PIP4K2A: variants seen among roughly 807,000 people sequenced by gnomAD.
PIP4K2A encodes the protein phosphatidylinositol 5-phosphate 4-kinase type-2 alpha.
In PIP4K2A, 14 loss-of-function variants were observed where a neutral mutation model predicts 42.9. That is an observed-to-expected ratio of 0.33 (90% CI 0.22 to 0.51). The LOEUF is 0.51. PIP4K2A is among the 20% of genes least tolerant of loss of function. The pLI, the probability that PIP4K2A is intolerant of heterozygous loss-of-function variation, is 0.97. For missense variants in PIP4K2A, 434 were observed against 519.8 expected (o/e 0.83, Z 1.61); for synonymous variants, 192 against 192.2 (o/e 1.00, Z 0.01).
At chr10:22,676,689 A>C (rs923193266) in intron 1 of PIP4K2A, among the ~76,000 whole-genome samples, 1 of 152,180 alleles carries the variant, frequency 6.6e-6, no homozygotes, top group South Asian at 2.1e-4. Flanking sequence ...AGTAAAAGGT[A>C]CATCTGCTTA....
chr10:22,594,186 T>G (rs377075003), intron 3 of PIP4K2A, among the ~76,000 whole-genome samples: 1 of 152,190 alleles, frequency 6.6e-6, no homozygotes, highest in Non-Finnish European at 1.5e-5. Flanking sequence ...TGTGTTTTAC[T>G]GGCATGCAGC....
intron 1 of PIP4K2A, among the ~76,000 whole-genome samples, chr10:22,650,832 C>T (rs1838978560): frequency 8.9e-6 from 1 of 112,414 alleles, no homozygotes; most frequent in Admixed American, 7.4e-5. Context: ...TGGAAATCTA[C>T]TGGGTTTTTT....
At chr10:22,616,958 C>A (rs1339797544) in intron 1 of PIP4K2A, among the ~76,000 whole-genome samples, 1 of 152,206 alleles carries the variant, frequency 6.6e-6, no homozygotes, top group Non-Finnish European at 1.5e-5. Context: ...TACTTCTAAG[C>A]CAATTATTTA....
chr10:22,586,099 C>T (rs1336528144), intron 4 of PIP4K2A, among the ~76,000 whole-genome samples: 2 of 152,148 alleles, frequency 1.3e-5, no homozygotes, highest in African/African-American at 2.4e-5. Flanking sequence ...TTTATAGGAT[C>T]CGAGTTTCTT....
At chr10:22,691,545 C>G (rs543666513) in intron 1 of PIP4K2A, 1 of 152,276 alleles carries the variant, frequency 6.6e-6, no homozygotes, top group Admixed American at 6.5e-5. Context: ...ATCATAAAAT[C>G]TAAGTCCTCA....
Position 22,536,203 on chromosome 10 carries a change from T to C in PIP4K2A, c.*998A>G, listed in dbSNP as rs1835913357. On this transcript the variant is annotated 3_prime_UTR_variant, in exon 10 of 10. Transcript: ENST00000376573. ...AACATCTTATAATTCAGATCTGCAT[T>C]TGGTAACAGGAGAATTGAGAGTTTT... The C allele has an allele frequency of 5.0e-6, 2 of 398,228 alleles. No homozygotes were observed. Among genetic ancestry groups the C allele is most frequent in the African/African-American group, 2.1e-5 (1 of 48,624 alleles). The allele number at this position is 398,228 out of a possible 1,614,324, so 24.7% of individuals were successfully genotyped here. A position where few individuals can be genotyped will look rare whatever the true frequency, so the allele number is the denominator to read the frequency against.
At chr10:22,709,592 C>T (rs1182884859) in intron 1 of PIP4K2A, among the ~76,000 whole-genome samples, 1 of 152,156 alleles carries the variant, frequency 6.6e-6, no homozygotes, top group Non-Finnish European at 1.5e-5. Context: ...AAAGACACAG[C>T]AGATCAGGAT....
chr10:22,545,328 C>T (rs1484221358), intron 7 of PIP4K2A, among the ~76,000 whole-genome samples: 1 of 152,246 alleles, frequency 6.6e-6, no homozygotes, highest in Non-Finnish European at 1.5e-5. Flanking sequence ...GGAAGGTCTA[C>T]TGGTTGACCT....
chr10:22,685,679 C>T (rs1173238196), intron 1 of PIP4K2A, among the ~76,000 whole-genome samples: 1 of 152,122 alleles, frequency 6.6e-6, no homozygotes, highest in East Asian at 1.9e-4. Flanking sequence ...TATGATCCCA[C>T]CACTGCATTC....
chr10:22,613,732 G>A (rs751708101), intron 1 of PIP4K2A, among the ~76,000 whole-genome samples: 3 of 152,200 alleles, frequency 2.0e-5, no homozygotes, highest in Non-Finnish European at 2.9e-5. Flanking sequence ...TTCACGTACA[G>A]GAACCAAGTG....
rs115146224 is a variant in PIP4K2A at position 22,567,521 on chromosome 10, C to T, written c.678+330G>A. 1,200 of 534,882 alleles carry T rather than the reference C, an allele frequency of 2.2e-3. 7 individuals are homozygous for T. The highest frequency in any genetic ancestry group is 0.02 in the African/African-American group (1,083 of 53,468). 33.1% of individuals were successfully genotyped at this position (534,882 alleles called of 1,614,324 possible). ...AGTGTTAGGTCCTGGTTCCCTGACCCGCAGGAACGCACTCTCAGCTGTCAG... is the reference window on the plus strand; with the variant it reads ...AGTGTTAGGTCCTGGTTCCCTGACCTGCAGGAACGCACTCTCAGCTGTCAG... On this transcript the variant is annotated intron_variant, in intron 6 of 9. Transcript: ENST00000376573.
chr10:22,627,088 T>C (rs1237379131), intron 1 of PIP4K2A, among the ~76,000 whole-genome samples: 2 of 151,700 alleles, frequency 1.3e-5, no homozygotes, highest in African/African-American at 4.8e-5. Context: ...CTATCAACTA[T>C]AAAAAAAAGA....
chr10:22,601,193 G>A (rs1190287896), intron 3 of PIP4K2A, among the ~76,000 whole-genome samples: 5 of 130,622 alleles, frequency 3.8e-5, no homozygotes, highest in African/African-American at 1.1e-4. Context: ...CAAGGCTCAC[G>A]GTAAACACAG....
intron 1 of PIP4K2A, among the ~76,000 whole-genome samples, chr10:22,661,548 A>G (rs1839206187): frequency 6.6e-6 from 1 of 151,878 alleles, no homozygotes; most frequent in East Asian, 1.9e-4. Context: ...TTTTTTGTAG[A>G]AACAATGTCT....
intron 1 of PIP4K2A, among the ~76,000 whole-genome samples, chr10:22,683,876 A>C (rs1405864035): frequency 1.5e-5 from 2 of 137,704 alleles, no homozygotes; most frequent in African/African-American, 2.9e-5. Context: ...CACACACACA[A>C]TTCAAAGTGT....
At chr10:22,556,674 A>G (rs1836558431) in intron 6 of PIP4K2A, among the ~76,000 whole-genome samples, 1 of 152,210 alleles carries the variant, frequency 6.6e-6, no homozygotes, top group Non-Finnish European at 1.5e-5. Flanking sequence ...AGAAGCTGAA[A>G]TCTTAGTAGC....
At chr10:22,573,113 A>G (rs1283004511) in intron 5 of PIP4K2A, among the ~76,000 whole-genome samples, 198 bp downstream of exon 5, 2 of 152,198 alleles carry the variant, frequency 1.3e-5, no homozygotes, top group East Asian at 1.9e-4. Context: ...AGTAGATGTG[A>G]TATCTCTAAC....
intron 6 of PIP4K2A, among the ~76,000 whole-genome samples, chr10:22,554,091 T>A (rs1462544291): frequency 6.6e-6 from 1 of 151,976 alleles, no homozygotes; most frequent in African/African-American, 2.4e-5. Flanking sequence ...CAGAGAGCCA[T>A]GATCGCGCCA....
intron 4 of PIP4K2A, among the ~76,000 whole-genome samples, chr10:22,576,948 C>T (rs531219855): frequency 5.6e-4 from 85 of 152,048 alleles, no homozygotes; most frequent in Non-Finnish European, 1.2e-3. Context: ...GTGGTGCATG[C>T]CTGTAGTCCC....
Sources: gnomAD v4.1 joint callset for allele counts (sites outside exome capture counted in the v4.1 genomes callset) on GRCh38, gnomAD v4.1.1 for gene constraint, MANE v1.5 for transcripts, NCBI Gene and HGNC (gene_info 2026-07-23, HGNC 2026-07-21) for gene names.